The following AKT3 variants were observed in gnomAD, a reference collection of about 807,000 sequenced individuals.
AKT3 encodes RAC-gamma serine/threonine-protein kinase.
In AKT3, 15 loss-of-function variants were observed where a neutral mutation model predicts 65.3. The observed-to-expected ratio is 0.23, with a 90% CI of 0.15 to 0.35. The LOEUF is 0.35. Ranked by LOEUF, AKT3 falls within the 10% of genes least tolerant of loss-of-function variation. AKT3 has a pLI of 1.00. For synonymous variants in AKT3, 206 were observed against 183.8 expected (o/e 1.12, Z -0.98); for missense variants, 243 against 576.5 (o/e 0.42, Z 5.92).
intron 2 of AKT3, among the ~76,000 whole-genome samples, chr1:243,826,006 C>T (rs1223929325): frequency 6.6e-6 from 1 of 152,014 alleles, no homozygotes; most frequent in Admixed American, 6.6e-5. Context: ...GTAGCAGGTG[C>T]CTGTAATCCC....
chr1:243,644,366 C>T (rs1319042350), intron 5 of AKT3, among the ~76,000 whole-genome samples: 1 of 152,022 alleles, frequency 6.6e-6, no homozygotes, highest in Non-Finnish European at 1.5e-5. Flanking sequence ...CTATCACAAC[C>T]TAGTGCTAGA....
chr1:243,785,396 A>G (rs554462474), intron 2 of AKT3, among the ~76,000 whole-genome samples: 1 of 152,172 alleles, frequency 6.6e-6, no homozygotes, highest in East Asian at 1.9e-4. Flanking sequence ...ATTTTATAAT[A>G]TAATTTTCTA....
At chr1:243,745,624 T>C (rs1185864339) in intron 2 of AKT3, among the ~76,000 whole-genome samples, 1 of 152,170 alleles carries the variant, frequency 6.6e-6, no homozygotes, top group East Asian at 1.9e-4. Flanking sequence ...TCAGGCCACA[T>C]GCAGCCCAGA....
chr1:243,774,034 A>C (rs1690380169), intron 2 of AKT3, among the ~76,000 whole-genome samples: 1 of 152,222 alleles, frequency 6.6e-6, no homozygotes, highest in Non-Finnish European at 1.5e-5. Context: ...GGTGACCATT[A>C]CATGAGGAGT....
intron 4 of AKT3, among the ~76,000 whole-genome samples, chr1:243,647,353 T>G (rs947481585): frequency 6.6e-6 from 1 of 152,208 alleles, no homozygotes; most frequent in Non-Finnish European, 1.5e-5. Flanking sequence ...TTCAGTACAC[T>G]AACATGCTGT....
intron 2 of AKT3, among the ~76,000 whole-genome samples, chr1:243,835,253 C>T (rs1200717685): frequency 6.6e-6 from 1 of 152,144 alleles, no homozygotes; most frequent in African/African-American, 2.4e-5. Flanking sequence ...TGTCTCCAGA[C>T]ATTGCCAAAT....
intron 2 of AKT3, among the ~76,000 whole-genome samples, chr1:243,712,335 T>C (rs1295125222): frequency 6.6e-6 from 1 of 152,176 alleles, no homozygotes; most frequent in Non-Finnish European, 1.5e-5. Context: ...AGACCTGACC[T>C]CTATTTCTTT....
At chr1:243,598,572 G>A (rs962666372) in intron 8 of AKT3, among the ~76,000 whole-genome samples, 4 of 152,060 alleles carry the variant, frequency 2.6e-5, no homozygotes, top group African/African-American at 9.7e-5. Context: ...GTACTCCCAC[G>A]GTTTAGTAAG....
At chr1:243,805,423 A>T (rs987175748) in intron 2 of AKT3, among the ~76,000 whole-genome samples, 1 of 152,034 alleles carries the variant, frequency 6.6e-6, no homozygotes, top group Admixed American at 6.6e-5. Flanking sequence ...ATTTTCTCTA[A>T]CTTAAAAAAA....
chr1:243,641,273 T>TATATAC (rs1334434731), intron 5 of AKT3, among the ~76,000 whole-genome samples: 245 of 144,670 alleles, frequency 1.7e-3, no homozygotes, highest in African/African-American at 6.2e-3. Flanking sequence ...TATATATATA[T>TATATAC]ACACACACAC....
intron 8 of AKT3, among the ~76,000 whole-genome samples, chr1:243,598,283 A>G (rs1467493876): frequency 6.6e-6 from 1 of 152,196 alleles, no homozygotes; most frequent in East Asian, 1.9e-4. Context: ...ATCATATATA[A>G]TAGTTGAATA....
rs1270894056 is a variant in AKT3 at position 243,505,318 on chromosome 1, C to A, written c.1371G>T (p.Met457Ile). ...TPPEKYDEDG[M>I]DCMDNERRPH... ...GCCGCCTCTCATTGTCCATGCAGTCCATACCATCCTCATCATCTGTGGGCA... is the reference window on the plus strand; with the variant it reads ...GCCGCCTCTCATTGTCCATGCAGTCAATACCATCCTCATCATCTGTGGGCA... Residue 457 changes from methionine (M) to isoleucine (I), a missense_variant, in exon 14 of 14, where the codon ATG becomes ATT. By Grantham distance (10) the Met-to-Ile change is conservative. Transcript: ENST00000673466. 1 of 1,614,054 alleles carries A rather than the reference C, an allele frequency of 6.2e-7. No homozygotes were observed. The highest frequency in any genetic ancestry group is 8.5e-7 in the Non-Finnish European group (1 of 1,179,956).
At chr1:243,583,195 T>TATATATACATATATATATAC (rs759291565) in intron 8 of AKT3, among the ~76,000 whole-genome samples, 1 of 88,326 alleles carries the variant, frequency 1.1e-5, no homozygotes, top group African/African-American at 5.1e-5. Flanking sequence ...TATATATATA[T>TATATATACATATATATATAC]ACACACACAC....
At chr1:243,587,976 A>G (rs895496184) in intron 8 of AKT3, among the ~76,000 whole-genome samples, 2 of 152,200 alleles carry the variant, frequency 1.3e-5, no homozygotes, top group Non-Finnish European at 2.9e-5. Context: ...GACAAGAGGA[A>G]GTGCATGACG....
At chr1:243,509,808 A>C (rs1008728462) in intron 13 of AKT3, among the ~76,000 whole-genome samples, 3 of 152,172 alleles carry the variant, frequency 2.0e-5, no homozygotes, top group Non-Finnish European at 2.9e-5. Flanking sequence ...CTTCTCAGGC[A>C]CACGGGAGGA....
chr1:243,791,513 G>C (rs1460818934), intron 2 of AKT3, among the ~76,000 whole-genome samples: 1 of 152,090 alleles, frequency 6.6e-6, no homozygotes, highest in Non-Finnish European at 1.5e-5. Context: ...ACTCAAACCA[G>C]AGCATTAAGT....
intron 2 of AKT3, among the ~76,000 whole-genome samples, chr1:243,778,683 A>G (rs1690711638): frequency 2.6e-5 from 4 of 152,222 alleles, no homozygotes; most frequent in Admixed American, 2.6e-4. Context: ...AAACTGAATT[A>G]AACAGATTGT....
chr1:243,837,792 T>A (rs1002694269), intron 2 of AKT3, among the ~76,000 whole-genome samples: 1 of 152,136 alleles, frequency 6.6e-6, no homozygotes, highest in African/African-American at 2.4e-5. Flanking sequence ...GATACTTAAG[T>A]GGTAAAATAA....
chr1:243,847,859 C>T (rs1471125773), intron 1 of AKT3, among the ~76,000 whole-genome samples: 1 of 151,994 alleles, frequency 6.6e-6, no homozygotes, highest in Non-Finnish European at 1.5e-5. Flanking sequence ...CAAAGCAAAA[C>T]CTTAAAGTAC....
Sources: allele counts gnomAD v4.1 joint callset (sites outside exome capture counted in the v4.1 genomes callset), GRCh38; gene constraint gnomAD v4.1.1; transcripts MANE v1.5; gene names NCBI Gene and HGNC (gene_info 2026-07-23, HGNC 2026-07-21).